Variants in XPR1 observed in about 807,000 individuals in gnomAD.
The protein encoded by XPR1 is solute carrier family 53 member 1.
XPR1 carries 28 observed loss-of-function variants against 87.5 expected under a neutral mutation model. The ratio of observed to expected loss-of-function variants is 0.32; its 90% CI spans 0.24 to 0.44. The LOEUF (loss-of-function observed/expected upper bound fraction) is 0.44, where lower values mean the gene tolerates loss of function less well. XPR1 is among the 20% of genes least tolerant of loss of function. The pLI is 1.00. For missense variants in XPR1, 559 were observed against 862.3 expected (o/e 0.65, Z 4.41); for synonymous variants, 300 against 306.1 (o/e 0.98, Z 0.21).
At chr1:180,865,084 C>T (rs977991418) in intron 12 of XPR1, among the ~76,000 whole-genome samples, 7 of 152,046 alleles carry the variant, frequency 4.6e-5, no homozygotes, top group African/African-American at 1.7e-4. Flanking sequence ...TAGGGAAGGC[C>T]ATTTTCAGGT....
intron 2 of XPR1, among the ~76,000 whole-genome samples, chr1:180,763,351 A>G (rs553158239): frequency 5.3e-5 from 8 of 152,266 alleles, no homozygotes; most frequent in South Asian, 2.1e-4. Flanking sequence ...GCCTGTGACT[A>G]TTTTCAATGA....
At chr1:180,729,719 C>T (rs1006546825) in intron 2 of XPR1, among the ~76,000 whole-genome samples, 1 of 152,150 alleles carries the variant, frequency 6.6e-6, no homozygotes, top group Admixed American at 6.5e-5. Flanking sequence ...AGTGTCTGTT[C>T]ATGTCCTTTG....
chr1:180,661,043 ATATATT>A (rs1275375977), intron 1 of XPR1, among the ~76,000 whole-genome samples: 3 of 152,118 alleles, frequency 2.0e-5, no homozygotes, highest in African/African-American at 4.8e-5. Flanking sequence ...TTTCATGCAT[ATATATT>A]TATAATTGTT....
At chr1:180,786,722 A>C (rs571729581) in intron 2 of XPR1, among the ~76,000 whole-genome samples, 1 of 152,200 alleles carries the variant, frequency 6.6e-6, no homozygotes, top group Non-Finnish European at 1.5e-5. Flanking sequence ...AAAAATGGAA[A>C]GATTTGACAA....
intron 2 of XPR1, among the ~76,000 whole-genome samples, chr1:180,761,248 A>G (rs1648012924): frequency 2.6e-5 from 4 of 152,196 alleles, no homozygotes; most frequent in South Asian, 2.1e-4. Flanking sequence ...AGCAATGGCA[A>G]CAAAAGCCAA....
intron 1 of XPR1, among the ~76,000 whole-genome samples, chr1:180,667,301 T>A (rs541204333): frequency 6.6e-6 from 1 of 152,316 alleles, no homozygotes; most frequent in East Asian, 1.9e-4. Flanking sequence ...TTTTGAATTT[T>A]TTTTTAATCA....
intron 1 of XPR1, among the ~76,000 whole-genome samples, chr1:180,636,749 A>T (rs886727671): frequency 6.6e-6 from 1 of 152,166 alleles, no homozygotes; most frequent in Admixed American, 6.5e-5. Context: ...TAAAGAGAAG[A>T]CAGTATTAGA....
At chr1:180,678,185 C>A (rs146642266) in intron 1 of XPR1, among the ~76,000 whole-genome samples, 1 of 152,182 alleles carries the variant, frequency 6.6e-6, no homozygotes, top group Admixed American at 6.5e-5. Flanking sequence ...GCTCTCTGAA[C>A]CTTGATGTTT....
At chr1:180,883,126 CTTTTTT>C (rs10690260) in intron 14 of XPR1, among the ~76,000 whole-genome samples, 148 of 87,200 alleles carry the variant, frequency 1.7e-3, no homozygotes, top group African/African-American at 6.3e-3. Context: ...TCATACCTGG[CTTTTTT>C]TTTTTTTTTT....
intron 1 of XPR1, among the ~76,000 whole-genome samples, chr1:180,645,529 G>A (rs1015647671): frequency 2.6e-5 from 4 of 152,112 alleles, no homozygotes. Flanking sequence ...TAAGTTTTGC[G>A]ACCCATTCTG....
At position 180,760,369 on chromosome 1, in the gene XPR1, T is replaced by C. The variant is rs559940061; in HGVS notation, c.122-27384T>C. On this transcript the variant is annotated intron_variant, in intron 2 of 14. Coordinates refer to ENST00000367590, the MANE Select transcript of XPR1 (RefSeq NM_004736.4). ...TGATTGTATATCTAGAAAACCCCAT[T>C]GTCTCAGCCCAAAATCTCCTTAAGC... Among the ~76,000 whole-genome samples the C allele has an allele frequency of 3.3e-3, 504 of 152,234 alleles. 2 individuals are homozygous for C. Among genetic ancestry groups the C allele is most frequent in the Admixed American group, 3.6e-3 (55 of 15,292 alleles).
At chr1:180,722,142 C>A (rs181874322) in intron 2 of XPR1, among the ~76,000 whole-genome samples, 1 of 152,202 alleles carries the variant, frequency 6.6e-6, no homozygotes. Flanking sequence ...GTGGTGTGTG[C>A]CTGTATTCCC....
chr1:180,825,356 A>C lies in XPR1; in HGVS notation c.1134+12A>C. The C allele has an allele frequency of 6.2e-7, 1 of 1,606,568 alleles. No individual in the cohort carries two copies. The highest frequency in any genetic ancestry group is 1.1e-5 in the South Asian group (1 of 89,604). ...TGCTTAAACTGCTGGTAAGTCCAGA[A>C]ACTTGTGTACCACTTTTAGAGTGGC... On this transcript the variant is annotated intron_variant, in intron 9 of 14. Transcript: ENST00000367590.
chr1:180,866,225 A>G (rs1652386109), intron 12 of XPR1, among the ~76,000 whole-genome samples: 1 of 140,064 alleles, frequency 7.1e-6, no homozygotes, highest in Non-Finnish European at 1.5e-5. Context: ...AAAAAAAACA[A>G]AAACAAAAAA....
At chr1:180,727,415 G>A (rs957376649) in intron 2 of XPR1, among the ~76,000 whole-genome samples, 8 of 152,010 alleles carry the variant, frequency 5.3e-5, no homozygotes, top group East Asian at 1.9e-4. Flanking sequence ...AGGCCGAGGC[G>A]GGCAGATCAC....
rs187920912 is a variant in XPR1 at position 180,669,868 on chromosome 1, C to T, written c.70-12492C>T. ...ATATAGAACAGTTACAACAATATACCGTGATAAAAGTTATGTGAATGTGGT... is the reference window on the plus strand; with the variant it reads ...ATATAGAACAGTTACAACAATATACTGTGATAAAAGTTATGTGAATGTGGT... On this transcript the variant is annotated intron_variant, in intron 1 of 14. Transcript: ENST00000367590. Among the ~76,000 whole-genome samples, 535 of 151,916 alleles carry T rather than the reference C, an allele frequency of 3.5e-3. 5 individuals carry two copies. The highest frequency in any genetic ancestry group is 0.013 in the African/African-American group (520 of 41,404).
At position 180,883,872 on chromosome 1, in the gene XPR1, G is replaced by T. The variant is rs911530438; in HGVS notation, c.2031-134G>T. 1.8e-5 allele frequency: 12 copies of T among 676,148 alleles called. No homozygotes were observed. The Admixed American group carries it at 2.1e-4, about 12-fold the overall frequency. 41.9% of individuals were successfully genotyped at this position (676,148 alleles called of 1,614,324 possible). On this transcript the variant is annotated intron_variant, in intron 14 of 14. Coordinates refer to ENST00000367590, the MANE Select transcript of XPR1 (RefSeq NM_004736.4). ...TGAATAGGAAACTCTAGAATAATCCGTCTGGTACAGCAGATAGTCCCTGTT... is the reference window on the plus strand; with the variant it reads ...TGAATAGGAAACTCTAGAATAATCCTTCTGGTACAGCAGATAGTCCCTGTT...
chr1:180,686,772 CAA>C (rs1195853340), intron 2 of XPR1, among the ~76,000 whole-genome samples: 2 of 152,080 alleles, frequency 1.3e-5, no homozygotes, highest in Non-Finnish European at 2.9e-5. Flanking sequence ...GTTCTTATGA[CAA>C]AAGTTAATGA....
chr1:180,668,203 A>G (rs1324945493), intron 1 of XPR1, among the ~76,000 whole-genome samples: 2 of 142,864 alleles, frequency 1.4e-5, no homozygotes, highest in East Asian at 2.1e-4. Context: ...ATCTCAGTCA[A>G]TTGCAACCTC....
Sources: gnomAD v4.1 joint callset for allele counts (sites outside exome capture counted in the v4.1 genomes callset) on GRCh38, gnomAD v4.1.1 for gene constraint, MANE v1.5 for transcripts, NCBI Gene and HGNC (gene_info 2026-07-23, HGNC 2026-07-21) for gene names.